Variants in GBP3 observed in about 807,000 individuals in gnomAD.
The protein encoded by GBP3 is guanylate-binding protein 3.
In GBP3, 55 loss-of-function variants were observed where a neutral mutation model predicts 62.4. That is an observed-to-expected ratio of 0.88 (90% CI 0.71 to 1.10). The LOEUF (loss-of-function observed/expected upper bound fraction) is 1.10, where lower values mean the gene tolerates loss of function less well. GBP3 is among the 50% of genes least tolerant of loss of function. The pLI, the probability that GBP3 is intolerant of heterozygous loss-of-function variation, is 0.00. For missense variants in GBP3, 605 were observed against 690.6 expected (o/e 0.88, Z 1.39); for synonymous variants, 208 against 259.2 (o/e 0.80, Z 1.90).
At chr1:89,021,510 G>GCGCGCACACACACACACACA (rs751639388) in intron 1 of GBP3, among the ~76,000 whole-genome samples, 16 of 131,666 alleles carry the variant, frequency 1.2e-4, no homozygotes, top group African/African-American at 4.8e-4. Context: ...GCGCGCGCGC[G>GCGCGCACACACACACACACA]CACACACACA....
chr1:89,013,886 T>G (rs1199544921), intron 5 of GBP3, 197 bp downstream of exon 5: 3 of 557,794 alleles, frequency 5.4e-6, no homozygotes, highest in Admixed American at 3.5e-5. Context: ...TTAATTTAGA[T>G]ATTCAGCAAG....
In GBP3 at chr1:89,011,260, T is replaced by C; in HGVS notation, c.1150-144A>G. 4 of 1,091,874 alleles carry C rather than the reference T, an allele frequency of 3.7e-6. 1 individual carries two copies. The highest frequency in any genetic ancestry group is 5.3e-6 in the Non-Finnish European group (4 of 759,428). The allele number at this position is 1,091,874 out of a possible 1,614,324, so 67.6% of individuals were successfully genotyped here. A position where few individuals can be genotyped will look rare whatever the true frequency, so the allele number is the denominator to read the frequency against. On this transcript the variant is annotated intron_variant, in intron 7 of 10. Transcript: ENST00000370481. The stretch of plus-strand genomic sequence containing the variant: ...CTCCTCAGCAGGACCACGCTCTTAC[T>C]CCTGACCCCACTTTCTACTGAAATC...
intron 10 of GBP3, among the ~76,000 whole-genome samples, chr1:89,008,465 C>T (rs899040670): frequency 6.8e-6 from 1 of 147,726 alleles, no homozygotes; most frequent in Non-Finnish European, 1.5e-5. Context: ...GGGAGTCCTT[C>T]TGCTCATAAA....
rs761593002 is a variant in GBP3 at position 89,007,863 on chromosome 1, A to G, written c.1660-11T>C. On this transcript the variant is annotated splice_polypyrimidine_tract_variant and intron_variant, in intron 10 of 10. Coordinates refer to ENST00000370481, the MANE Select transcript of GBP3 (RefSeq NM_018284.3). ...TACTCGGGCCTGTTCCTAAAAAGGG[A>G]CAAATGGAGGCTAAATAAGTGTAGC... The G allele has an allele frequency of 6.2e-7, 1 of 1,608,394 alleles. No individual in the cohort carries two copies.
chr1:89,016,355 C>T (rs1678887368), intron 2 of GBP3, among the ~76,000 whole-genome samples: 1 of 152,086 alleles, frequency 6.6e-6, no homozygotes. Flanking sequence ...ACTACACACA[C>T]ACACACACAC....
In GBP3 at chr1:89,014,752, T is replaced by C. The variant is rs957222369; in HGVS notation, c.319-96A>G. ...AAAAGTATATCATAAGTTAGAGTTTTCTTTTAAGACTAATGACCTATGAAA... is the reference window on the plus strand; with the variant it reads ...AAAAGTATATCATAAGTTAGAGTTTCCTTTTAAGACTAATGACCTATGAAA... On this transcript the variant is annotated intron_variant, in intron 3 of 10. Transcript: ENST00000370481. 4 of 1,482,168 alleles carry C rather than the reference T, an allele frequency of 2.7e-6. No individual in the cohort carries two copies. In the African/African-American group the frequency reaches 5.6e-5, roughly 21 times the overall value. 91.8% of individuals were successfully genotyped at this position (1,482,168 alleles called of 1,614,324 possible).
chr1:89,007,831 C>T lies in GBP3; in HGVS notation c.1681G>A (p.Glu561Lys). 1 of 1,613,358 alleles carries T rather than the reference C, an allele frequency of 6.2e-7. No individual in the cohort carries two copies. Among genetic ancestry groups the T allele is most frequent in the East Asian group, 2.2e-5 (1 of 44,846 alleles). The change falls in exon 11 of 11, where the codon GAG becomes AAG. Residue 561 changes from glutamate (E) to lysine (K), a missense_variant. Glu to Lys is a moderately conservative substitution (Grantham distance 56). Coordinates refer to ENST00000370481, the MANE Select transcript of GBP3 (RefSeq NM_018284.3). ...TGGGTACTTTCACCTTGGCATCTCTCCTTTAGTACTCGGGCCTGTTCCTAA... is the reference window on the plus strand; with the variant it reads ...TGGGTACTTTCACCTTGGCATCTCTTCTTTAGTACTCGGGCCTGTTCCTAA... ...KLQEQARVLKERCQGESTQLQ... is the reference protein window; with the variant it reads ...KLQEQARVLKKRCQGESTQLQ...
intron 2 of GBP3, 128 bp from the exon 3 acceptor site, chr1:89,015,542 A>G (rs1678840136): frequency 5.8e-6 from 4 of 691,550 alleles, no homozygotes; most frequent in Non-Finnish European, 8.8e-6. Flanking sequence ...TACTTACGTT[A>G]CTTATAATCA....
chr1:89,007,948 GT>G (rs1678326529), intron 10 of GBP3, 96 bp from the exon 11 acceptor site: 3 of 1,135,264 alleles, frequency 2.6e-6, no homozygotes, highest in South Asian at 3.7e-5. Context: ...TTAGTACTTA[GT>G]TTTTTTCTTG....
In GBP3 at chr1:89,014,200, C is replaced by T; in HGVS notation, c.508G>A (p.Val170Met). The T allele has an allele frequency of 6.2e-7, 1 of 1,614,196 alleles. No individual in the cohort carries two copies. Among genetic ancestry groups the T allele is most frequent in the South Asian group, 1.1e-5 (1 of 91,088 alleles). Residue 170 changes from valine (V) to methionine (M), a missense_variant, in exon 5 of 11, where the codon GTG (valine) becomes ATG (methionine). By Grantham distance (21) the Val-to-Met change is conservative. This residue lies in a region of GBP3 where 308 missense variants were observed against 318.0 expected (regional missense o/e 0.97). Coordinates refer to ENST00000370481, the MANE Select transcript of GBP3 (RefSeq NM_018284.3). ...ENENEDSADFVSFFPDFVWTL... is the reference protein window; with the variant it reads ...ENENEDSADFMSFFPDFVWTL... The stretch of plus-strand genomic sequence containing the variant: ...CACACAAAATCTGGGAAGAAGCTCA[C>T]AAAGTCAGCTGAATCCTCATTCTCA...
Position 89,007,794 on chromosome 1 carries a change from T to G in GBP3, c.1718A>C (p.Glu573Ala), listed in dbSNP as rs1269863479. ...CAGGGTCTTCTGTAGCTTTTGTATC[T>G]CATTTTGAAGTTGGGTACTTTCACC... ...CQGESTQLQNEIQKLQKTLKK... is the reference protein window; with the variant it reads ...CQGESTQLQNAIQKLQKTLKK... Residue 573 changes from glutamate (E) to alanine (A), a missense_variant, in exon 11 of 11, where the codon GAG becomes GCG. By Grantham distance (107) the Glu-to-Ala change is moderately radical. Transcript: ENST00000370481. 1 of 1,613,694 alleles carries G rather than the reference T, an allele frequency of 6.2e-7. No homozygotes were observed. Among genetic ancestry groups the G allele is most frequent in the Admixed American group, 1.7e-5 (1 of 60,022 alleles).
chr1:89,013,347 A>C lies in GBP3; in HGVS notation c.706T>G (p.Phe236Val). 6.2e-7 allele frequency: 1 copy of C among 1,614,206 alleles called. No homozygotes were observed. ...KFFPKKKCFV[F>V]DLPIHRRKLA... ...TTCCTGCGGTGAATGGGCAGATCGA[A>C]GACAAAACATTTTTTCTTTGGGAAG... The change falls in exon 6 of 11, where the codon TTC becomes GTC. Residue 236 changes from phenylalanine to valine, a missense_variant. By Grantham distance (50) the Phe-to-Val change is conservative (BLOSUM62 -1). Around this residue, in one of 3 missense-constraint regions of GBP3, gnomAD observed 308 missense variants for 318.0 expected, o/e 0.97. Coordinates refer to ENST00000370481, the MANE Select transcript of GBP3 (RefSeq NM_018284.3).
intron 3 of GBP3, 55 bp from the exon 4 acceptor site, chr1:89,014,711 C>A: frequency 6.2e-7 from 1 of 1,607,078 alleles, no homozygotes; most frequent in Non-Finnish European, 8.5e-7. Context: ...ACAGCACTTT[C>A]CAGAGTGACA....
In GBP3 at chr1:89,009,099, T is replaced by A; in HGVS notation, c.1507A>T (p.Met503Leu). 6.2e-7 allele frequency: 1 copy of A among 1,614,156 alleles called. No individual in the cohort carries two copies. Among genetic ancestry groups the A allele is most frequent in the Non-Finnish European group, 8.5e-7 (1 of 1,180,006 alleles). ...TACTTTATTTGCATTTCCTCCACCA[T>A]TTTTGCTGAAGCCTGTGCAGATTCA... Reference protein sequence around the residue: ...KAESAQASAKMVEEMQIKYQQ... With the variant: ...KAESAQASAKLVEEMQIKYQQ... The change falls in exon 10 of 11, where the codon ATG becomes TTG. Residue 503 changes from methionine (M) to leucine (L), a missense_variant. Physicochemically the swap from Met to Leu is conservative, Grantham distance 15. Transcript: ENST00000370481.
At chr1:89,020,494 C>G in intron 2 of GBP3, 38 bp downstream of exon 2, 1 of 1,611,292 alleles carries the variant, frequency 6.2e-7, no homozygotes, top group South Asian at 1.1e-5. Context: ...TGTTGGGGGA[C>G]AGAAGGGACT....
intron 2 of GBP3, among the ~76,000 whole-genome samples, chr1:89,015,679 G>C (rs1678845358): frequency 6.7e-6 from 1 of 150,118 alleles, no homozygotes; most frequent in Non-Finnish European, 1.5e-5. Context: ...AGGAGGCGGA[G>C]GTTGCAGTGA....
chr1:89,017,310 T>A, intron 2 of GBP3, among the ~76,000 whole-genome samples: 1 of 144,858 alleles, frequency 6.9e-6, no homozygotes, highest in African/African-American at 2.6e-5. Flanking sequence ...ATTCACATGC[T>A]CACATGCCAA....
Position 89,020,581 on chromosome 1 carries a change from G to T in GBP3, c.141C>A (p.Tyr47Ter). Residue 47 changes from tyrosine (Y) to a stop codon, truncating the protein, a stop_gained, in exon 2 of 11, where the codon TAC becomes TAA. Coordinates refer to ENST00000370481, the MANE Select transcript of GBP3 (RefSeq NM_018284.3). LOFTEE classifies it high-confidence loss of function. ...TCATCAGGTAGGATTTTCCTGTGCG[G>T]TAGAGGCCCACAATTGCCACCACCA... ...PVVVVAIVGLYRTGKSYLMNK... is the reference protein window; with the variant it reads ...PVVVVAIVGL The T allele has an allele frequency of 6.2e-7, 1 of 1,614,132 alleles. No individual in the cohort carries two copies. The highest frequency in any genetic ancestry group is 8.5e-7 in the Non-Finnish European group (1 of 1,180,014).
At chr1:89,016,475 T>A (rs1410747038) in intron 2 of GBP3, among the ~76,000 whole-genome samples, 1 of 152,116 alleles carries the variant, frequency 6.6e-6, no homozygotes, top group Non-Finnish European at 1.5e-5. Flanking sequence ...GCCGAGATTG[T>A]GCCACTGCAC....
Sources: gnomAD v4.1 joint callset for allele counts (sites outside exome capture counted in the v4.1 genomes callset) on GRCh38, gnomAD v4.1.1 for gene constraint, gnomAD v4.1.1 regional missense constraint, MANE v1.5 for transcripts, NCBI Gene and HGNC (gene_info 2026-07-23, HGNC 2026-07-21) for gene names.